WDR17: variants seen among roughly 807,000 people sequenced by gnomAD.
WDR17 encodes the protein WD repeat-containing protein 17.
WDR17 carries 143 observed loss-of-function variants against 161.7 expected under a neutral mutation model. The observed-to-expected ratio is 0.88, with a 90% CI of 0.77 to 1.02. The LOEUF (loss-of-function observed/expected upper bound fraction) is 1.02. Ranked by LOEUF, WDR17 falls within the 50% of genes least tolerant of loss-of-function variation. The pLI, the probability that WDR17 is intolerant of heterozygous loss-of-function variation, is 0.00. For synonymous variants in WDR17, 517 were observed against 515.6 expected (o/e 1.00, Z -0.04); for missense variants, 1,469 against 1,520.9 (o/e 0.97, Z 0.57).
At chr4:176,150,272 C>T in intron 15 of WDR17, 99 bp downstream of exon 15, 1 of 1,523,326 alleles carries the variant, frequency 6.6e-7, no homozygotes, top group Admixed American at 1.9e-5. Flanking sequence ...CATTCTAATT[C>T]ATTGGGTAAC....
At chr4:176,146,640 T>C (rs1297491725) in intron 12 of WDR17, among the ~76,000 whole-genome samples, 1 of 152,146 alleles carries the variant, frequency 6.6e-6, no homozygotes, top group African/African-American at 2.4e-5. Flanking sequence ...CTTCAAAGCC[T>C]AACTACCTAA....
intron 1 of WDR17, among the ~76,000 whole-genome samples, chr4:176,073,139 A>G (rs550106637): frequency 6.6e-6 from 1 of 151,962 alleles, no homozygotes; most frequent in Non-Finnish European, 1.5e-5. Context: ...GTTTTAGGGT[A>G]CATGTGCACA....
chr4:176,135,960 TA>T (rs1257054191), intron 8 of WDR17, among the ~76,000 whole-genome samples: 1 of 151,682 alleles, frequency 6.6e-6, no homozygotes, highest in Non-Finnish European at 1.5e-5. Flanking sequence ...TCCTTATTTT[TA>T]AAATTATTTC....
intron 11 of WDR17, among the ~76,000 whole-genome samples, chr4:176,144,832 C>A (rs1745906084): frequency 6.6e-6 from 1 of 151,880 alleles, no homozygotes; most frequent in Admixed American, 6.6e-5. Context: ...TATGTGCATT[C>A]TTTAAATCTT....
intron 1 of WDR17, among the ~76,000 whole-genome samples, chr4:176,092,870 C>T (rs1276439186): frequency 5.3e-5 from 8 of 151,934 alleles, no homozygotes; most frequent in Non-Finnish European, 8.8e-5. Flanking sequence ...GGCAAAAAGC[C>T]GTCTCTACTA....
intron 28 of WDR17, among the ~76,000 whole-genome samples, chr4:176,178,577 C>T (rs977079234): frequency 1.3e-5 from 2 of 152,124 alleles, no homozygotes; most frequent in Non-Finnish European, 2.9e-5. Flanking sequence ...CTGAGGCCCA[C>T]GTGACTGGTA....
At chr4:176,162,876 TAG>T (rs1361609140) in intron 21 of WDR17, among the ~76,000 whole-genome samples, 33 of 152,282 alleles carry the variant, frequency 2.2e-4, no homozygotes, top group African/African-American at 7.0e-4. Context: ...GAGAATATCA[TAG>T]AGTGTTATTA....
At chr4:176,166,632 A>G (rs963420118) in intron 22 of WDR17, among the ~76,000 whole-genome samples, 42 of 152,188 alleles carry the variant, frequency 2.8e-4, no homozygotes, top group African/African-American at 9.9e-4. Context: ...TTTTGTCTAT[A>G]GTTCAATGAA....
At chr4:176,156,539 TC>T (rs1031780859) in intron 18 of WDR17, among the ~76,000 whole-genome samples, 1 of 152,174 alleles carries the variant, frequency 6.6e-6, no homozygotes. Context: ...TCCTGCCATT[TC>T]TTCCCATGGA....
At chr4:176,150,197 C>T (rs750866202) in intron 15 of WDR17, 24 bp downstream of exon 15, 21 of 1,606,050 alleles carry the variant, frequency 1.3e-5, no homozygotes, top group East Asian at 4.5e-5. Flanking sequence ...GAATTAAATG[C>T]GAATATTTTC....
At chr4:176,168,956 A>G (rs1750296287) in intron 23 of WDR17, among the ~76,000 whole-genome samples, 173 bp downstream of exon 23, 1 of 152,224 alleles carries the variant, frequency 6.6e-6, no homozygotes. Flanking sequence ...CTGAACTGCT[A>G]TGTGCTTGGC....
intron 1 of WDR17, among the ~76,000 whole-genome samples, chr4:176,107,963 C>CCCTT (rs61042854): frequency 0.26 from 36,737 of 143,944 alleles, 4,830 homozygotes; most frequent in African/African-American, 0.3. Flanking sequence ...TCCCTTTTGT[C>CCCTT]CCTTCCTTCC....
At chr4:176,103,241 A>C (rs2126666532) in intron 1 of WDR17, among the ~76,000 whole-genome samples, 1 of 152,310 alleles carries the variant, frequency 6.6e-6, no homozygotes, top group South Asian at 2.1e-4. Flanking sequence ...AATAACCCTG[A>C]GTAGTCCTTA....
chr4:176,168,767 A>G lies in WDR17; in HGVS notation c.3086A>G (p.Asn1029Ser), dbSNP rs1359076936. ...AFYPGCTEEI[N>S]DLHDKCKLPT... is the part of the protein sequence containing the mutation. ...TACCCAGGATGTACTGAAGAGATAA[A>G]TGACCTTCATGATAAGGTATGCTGA... Residue 1029 changes from asparagine (N) to serine (S), a missense_variant, in exon 23 of 29, where the codon AAT becomes AGT. By Grantham distance (46) the Asn-to-Ser change is conservative (BLOSUM62 1). Transcript: ENST00000508596. 11 of 1,611,382 alleles carry G rather than the reference A, an allele frequency of 6.8e-6. No individual in the cohort carries two copies. Among genetic ancestry groups the G allele is most frequent in the Non-Finnish European group, 9.3e-6 (11 of 1,178,988 alleles).
chr4:176,160,060 T>C lies in WDR17; in HGVS notation c.2592T>C (p.Asp864=), dbSNP rs772591134. ...DVIPYCIAIG[D]VKKLVHFFMS... is the part of the protein sequence containing the mutation. ...TTCCATACTGCATAGCCATTGGTGA[T>C]GTGAAAAAGCTAGTCCATTTTTTCA... Residue 864 remains aspartate, a synonymous_variant, in exon 19 of 29, where the codon GAT becomes GAC. Transcript: ENST00000508596. 3.1e-6 allele frequency: 5 copies of C among 1,613,724 alleles called. No individual in the cohort carries two copies. The African/African-American group carries it at 5.3e-5, about 17-fold the overall frequency.
Position 176,148,415 on chromosome 4 carries a change from T to A in WDR17, c.1897+80T>A, listed in dbSNP as rs1746544565. 5.4e-6 allele frequency: 7 copies of A among 1,289,598 alleles called. No individual in the cohort carries two copies. The African/African-American group carries it at 5.9e-5, about 11-fold the overall frequency. 79.9% of individuals were successfully genotyped at this position (1,289,598 alleles called of 1,614,324 possible). The stretch of plus-strand genomic sequence containing the variant: ...TTATAACTTCTGAGGAATACAGTAT[T>A]TTTGAAGAAGTTATACAGTGTTTTA... On this transcript the variant is annotated intron_variant, in intron 13 of 28. Coordinates refer to ENST00000508596, the MANE Select transcript of WDR17 (RefSeq NM_181265.4).
At chr4:176,066,976 A>G (rs1037139362) in intron 1 of WDR17, among the ~76,000 whole-genome samples, 2 of 152,178 alleles carry the variant, frequency 1.3e-5, no homozygotes, top group Non-Finnish European at 2.9e-5. Context: ...ATAAATGACA[A>G]TGAATTTATG....
At chr4:176,071,034 A>G (rs749516312) in intron 1 of WDR17, among the ~76,000 whole-genome samples, 6 of 152,046 alleles carry the variant, frequency 3.9e-5, no homozygotes, top group African/African-American at 1.4e-4. Context: ...AAACTCACAT[A>G]CAAAACCCAA....
At chr4:176,079,481 A>G (rs1734474482) in intron 1 of WDR17, among the ~76,000 whole-genome samples, 1 of 152,132 alleles carries the variant, frequency 6.6e-6, no homozygotes, top group African/African-American at 2.4e-5. Flanking sequence ...AATAGTCTCT[A>G]TTTCTTAATG....
Sources: allele counts gnomAD v4.1 joint callset (sites outside exome capture counted in the v4.1 genomes callset), GRCh38; gene constraint gnomAD v4.1.1; transcripts MANE v1.5; gene names NCBI Gene and HGNC (gene_info 2026-07-23, HGNC 2026-07-21).